The following MYBPC1 variants were observed in gnomAD, a reference collection of about 807,000 sequenced individuals.
MYBPC1 encodes the protein myosin-binding protein C, slow-type.
In MYBPC1, 52 loss-of-function variants were observed where a neutral mutation model predicts 147.1. The ratio of observed to expected loss-of-function variants is 0.35; its 90% CI spans 0.28 to 0.45. The LOEUF (loss-of-function observed/expected upper bound fraction) is 0.45. Ranked by LOEUF, MYBPC1 falls within the 20% of genes least tolerant of loss-of-function variation. The pLI is 1.00. For synonymous variants in MYBPC1, 477 were observed against 475.9 expected, an observed-to-expected ratio of 1.00 and a Z score of -0.03; for missense variants, 1,228 against 1,440.3, an observed-to-expected ratio of 0.85 and a Z score of 2.39.
At chr12:101,664,017 C>T (rs1897020309) in intron 22 of MYBPC1, among the ~76,000 whole-genome samples, 1 of 152,178 alleles carries the variant, frequency 6.6e-6, no homozygotes, top group African/African-American at 2.4e-5. Flanking sequence ...CACCTGCCTT[C>T]ATCTAAAAAT....
intron 24 of MYBPC1, among the ~76,000 whole-genome samples, chr12:101,671,989 G>C (rs530136176): frequency 1.1e-4 from 16 of 152,182 alleles, no homozygotes; most frequent in Admixed American, 2.0e-4. Context: ...AACTGAAAGG[G>C]AAGTTAAGTG....
chr12:101,622,983 A>C (rs1264063930), intron 3 of MYBPC1, among the ~76,000 whole-genome samples: 1 of 152,198 alleles, frequency 6.6e-6, no homozygotes, highest in African/African-American at 2.4e-5. Context: ...CATGTCCTCC[A>C]AATAGTCTTA....
At position 101,680,437 on chromosome 12, in the gene MYBPC1, G is replaced by T; in HGVS notation, c.3341G>T (p.Arg1114Leu). ...SNQGVCTLEIRKPSPYDGGTY... is the reference protein window; with the variant it reads ...SNQGVCTLEILKPSPYDGGTY... The stretch of plus-strand genomic sequence containing the variant: ...CAGGGAGTCTGTACCCTGGAAATTC[G>T]CAAGCCCAGCCCCTATGATGGAGGC... Residue 1114 changes from arginine to leucine, a missense_variant, in exon 29 of 32, where the codon CGC (arginine) becomes CTC (leucine). Arg to Leu is a moderately radical substitution (Grantham distance 102). This residue lies in a region of MYBPC1 where 1,077 missense variants were observed against 1,314.2 expected (regional missense o/e 0.82). Coordinates refer to ENST00000361466, the MANE Select transcript of MYBPC1 (RefSeq NM_002465.4). The T allele has an allele frequency of 2.5e-6, 4 of 1,614,058 alleles. No individual in the cohort carries two copies. The highest frequency in any genetic ancestry group is 3.4e-6 in the Non-Finnish European group (4 of 1,179,990).
chr12:101,648,840 T>G (rs1163587082), intron 14 of MYBPC1, among the ~76,000 whole-genome samples: 1 of 152,222 alleles, frequency 6.6e-6, no homozygotes, highest in Non-Finnish European at 1.5e-5. Context: ...AAATGAAATG[T>G]TATGTTGAAA....
downstream of MYBPC1, among the ~76,000 whole-genome samples, chr12:101,688,885 G>A (rs937503512): frequency 6.6e-6 from 1 of 150,576 alleles, no homozygotes; most frequent in African/African-American, 2.4e-5. Context: ...CCCAGGAGGT[G>A]GAGATTGCAA....
At chr12:101,608,387 G>A (rs951962789) in intron 1 of MYBPC1, among the ~76,000 whole-genome samples, 1 of 152,000 alleles carries the variant, frequency 6.6e-6, no homozygotes, top group South Asian at 2.1e-4. Context: ...AGTCCTGTTA[G>A]CATGTTTTCT....
intron 3 of MYBPC1, among the ~76,000 whole-genome samples, chr12:101,621,323 T>A (rs535599803): frequency 6.6e-6 from 1 of 152,340 alleles, no homozygotes; most frequent in East Asian, 1.9e-4. Flanking sequence ...TTTAATAGAT[T>A]TGAGGAAGAA....
At chr12:101,639,330 C>T (rs756199824) in intron 10 of MYBPC1, among the ~76,000 whole-genome samples, 1 of 152,164 alleles carries the variant, frequency 6.6e-6, no homozygotes, top group Non-Finnish European at 1.5e-5. Flanking sequence ...AGAAATTTGG[C>T]TTTTTCTCCT....
intron 1 of MYBPC1, among the ~76,000 whole-genome samples, chr12:101,610,235 T>A (rs1481096424): frequency 6.6e-6 from 1 of 152,226 alleles, no homozygotes; most frequent in Non-Finnish European, 1.5e-5. Context: ...GGTCCTATTT[T>A]CTCTGATCAT....
intron 21 of MYBPC1, 105 bp from the exon 22 acceptor site, chr12:101,663,321 C>G: frequency 9.9e-7 from 1 of 1,008,218 alleles, no homozygotes; most frequent in Non-Finnish European, 1.6e-6. Context: ...AGATGTAGGG[C>G]TTTTGTGTCT....
At chr12:101,622,931 G>A (rs75742691) in intron 3 of MYBPC1, among the ~76,000 whole-genome samples, 18,970 of 152,152 alleles carry the variant, frequency 0.12, 1,222 homozygotes, top group Middle Eastern at 0.15. Context: ...ACTCTGAAGC[G>A]CTGCATTCAT....
chr12:101,692,221 G>C, the MYBPC1 span, among the ~76,000 whole-genome samples: 1 of 152,112 alleles, frequency 6.6e-6, no homozygotes, highest in Admixed American at 6.5e-5. Context: ...AGGGAAGTTG[G>C]ACTTTATCAA....
chr12:101,640,213 TG>T (rs1180639605), intron 10 of MYBPC1, among the ~76,000 whole-genome samples: 1 of 152,176 alleles, frequency 6.6e-6, no homozygotes, highest in Non-Finnish European at 1.5e-5. Flanking sequence ...GGTTTCACCA[TG>T]TTGCCCAGGC....
chr12:101,609,168 A>T (rs1883357434), intron 1 of MYBPC1, among the ~76,000 whole-genome samples: 1 of 152,176 alleles, frequency 6.6e-6, no homozygotes, highest in South Asian at 2.1e-4. Flanking sequence ...ACATTTGAAA[A>T]GGGAGTGGAA....
intron 6 of MYBPC1, 90 bp downstream of exon 6, chr12:101,629,634 A>G: frequency 1.2e-6 from 1 of 858,432 alleles, no homozygotes. Flanking sequence ...GCACTCTGGG[A>G]GGTCCAGACA....
In MYBPC1 at chr12:101,651,181, C is replaced by G. The variant is rs753707800; in HGVS notation, c.1364-50C>G. 2.5e-6 allele frequency: 4 copies of G among 1,605,846 alleles called. No individual in the cohort carries two copies. The African/African-American group carries it at 5.4e-5, about 22-fold the overall frequency. Reference sequence around the variant, plus strand: ...CCATTGTGAAATGCCACCATCTTGGCCTGTTGGGAGTTTGGGCTTGGCATT... The same window carrying G: ...CCATTGTGAAATGCCACCATCTTGGGCTGTTGGGAGTTTGGGCTTGGCATT... On this transcript the variant is annotated intron_variant, in intron 15 of 31. Transcript: ENST00000361466.
intron 1 of MYBPC1, 71 bp downstream of exon 1, chr12:101,595,166 C>A: frequency 7.9e-7 from 1 of 1,263,862 alleles, no homozygotes; most frequent in South Asian, 1.2e-5. Flanking sequence ...TATCTTCAAA[C>A]AAATAACAAA....
chr12:101,652,395 A>G (rs527733173), intron 16 of MYBPC1, among the ~76,000 whole-genome samples: 3 of 152,208 alleles, frequency 2.0e-5, no homozygotes, highest in Admixed American at 6.5e-5. Context: ...TTTTAAAGCT[A>G]TGAGATGAAA....
In MYBPC1 at chr12:101,685,817, A is replaced by AG. The variant is rs1437063424; in HGVS notation, c.*255_*256insG. ...TTCCTCCTAATGTTGAAGAGAAAAA[A>AG]AAAAAAAAAAGTTTGCCCAGATTGC... is the stretch of plus-strand genomic sequence containing the variant. On this transcript the variant is annotated 3_prime_UTR_variant, in exon 32 of 32. Coordinates refer to ENST00000361466, the MANE Select transcript of MYBPC1 (RefSeq NM_002465.4). 1.9e-5 allele frequency: 12 copies of AG among 631,888 alleles called. No individual in the cohort carries two copies. The highest frequency in any genetic ancestry group is 3.1e-5 in the Non-Finnish European group (12 of 392,308). The allele number at this position is 631,888 out of a possible 1,614,324, so 39.1% of individuals were successfully genotyped here. A position where few individuals can be genotyped will look rare whatever the true frequency, so the allele number is the denominator to read the frequency against.
Sources: gnomAD v4.1 joint callset for allele counts (sites outside exome capture counted in the v4.1 genomes callset) on GRCh38, gnomAD v4.1.1 for gene constraint, gnomAD v4.1.1 regional missense constraint, MANE v1.5 for transcripts, NCBI Gene and HGNC (gene_info 2026-07-23, HGNC 2026-07-21) for gene names.